Variants in KCNS1 observed in about 807,000 individuals in gnomAD.
KCNS1 encodes the protein delayed-rectifier potassium channel regulatory subunit KCNS1.
A neutral mutation model predicts 33.1 loss-of-function variants in KCNS1; 26 were observed. That is an observed-to-expected ratio of 0.79 (90% CI 0.58 to 1.09). The LOEUF (loss-of-function observed/expected upper bound fraction) is 1.09. Ranked by LOEUF, KCNS1 falls within the 50% of genes least tolerant of loss-of-function variation. The pLI is 0.00. For synonymous variants in KCNS1, 299 were observed against 338.8 expected, an observed-to-expected ratio of 0.88 and a Z score of 1.29; for missense variants, 702 against 752.4, an observed-to-expected ratio of 0.93 and a Z score of 0.78.
intron 3 of KCNS1, among the ~76,000 whole-genome samples, chr20:45,096,663 T>C (rs1981194302): frequency 6.6e-6 from 1 of 152,186 alleles, no homozygotes. Context: ...TTCTCTGGGT[T>C]CTACTGCTTA....
chr20:45,094,044 T>G lies in KCNS1; in HGVS notation c.*826A>C, dbSNP rs1165397722. The G allele has an allele frequency of 6.6e-6, 1 of 152,276 alleles. No homozygotes were observed. The highest frequency in any genetic ancestry group is 1.5e-5 in the Non-Finnish European group (1 of 68,114). 9.4% of individuals were successfully genotyped at this position (152,276 alleles called of 1,614,324 possible). A position where few individuals can be genotyped will look rare whatever the true frequency, so the allele number is the denominator to read the frequency against. On this transcript the variant is annotated 3_prime_UTR_variant, in exon 4 of 4. Transcript: ENST00000537075. ...TCTTGGCGCAGCTAGGTTGTCTAGA[T>G]CTCAGGCCAGGGGCCCTTCAGATTT...
chr20:45,095,586 T>C (rs569337348), intron 3 of KCNS1, among the ~76,000 whole-genome samples: 1 of 152,344 alleles, frequency 6.6e-6, no homozygotes, highest in East Asian at 1.9e-4. Context: ...AGGCTACAGC[T>C]GTTTTTTCCA....
At chr20:45,096,597 G>A (rs1385052799) in intron 3 of KCNS1, among the ~76,000 whole-genome samples, 2 of 152,148 alleles carry the variant, frequency 1.3e-5, no homozygotes. Context: ...CAGTAGGGTC[G>A]CATGGAGCTT....
Position 45,095,102 on chromosome 20 carries a change from G to A in KCNS1, c.1349C>T (p.Ala450Val). The change falls in exon 4 of 4, where the codon GCA becomes GTA. Residue 450 changes from alanine to valine, a missense_variant. Physicochemically the swap from Ala to Val is moderately conservative, Grantham distance 64 (BLOSUM62 0). Transcript: ENST00000537075. ...GTTGAAGATGATGGTGATGGGGAGTGCTACCACCAGGATGCCCCCTAGGAT... is the reference window on the plus strand; with the variant it reads ...GTTGAAGATGATGGTGATGGGGAGTACTACCACCAGGATGCCCCCTAGGAT... Reference protein sequence around the residue: ...GCILGGILVVALPITIIFNKF... With the variant: ...GCILGGILVVVLPITIIFNKF... 1 of 1,614,002 alleles carries A rather than the reference G, an allele frequency of 6.2e-7. No homozygotes were observed. Among genetic ancestry groups the A allele is most frequent in the Non-Finnish European group, 8.5e-7 (1 of 1,179,992 alleles).
chr20:45,094,813 T>C lies in KCNS1; in HGVS notation c.*57A>G, dbSNP rs1233176256. 2.9e-6 allele frequency: 4 copies of C among 1,397,630 alleles called. No homozygotes were observed. The Admixed American group carries it at 6.0e-5, about 21-fold the overall frequency. The allele number at this position is 1,397,630 out of a possible 1,614,324, so 86.6% of individuals were successfully genotyped here. A position where few individuals can be genotyped will look rare whatever the true frequency, so the allele number is the denominator to read the frequency against. On this transcript the variant is annotated 3_prime_UTR_variant, in exon 4 of 4. Coordinates refer to ENST00000537075, the MANE Select transcript of KCNS1 (RefSeq NM_001322799.2). Reference sequence around the variant, plus strand: ...GGAGGCTCACTACCATGAAGAACTTTAGCAGGGGAGGAATCTCTACTGTAG... The same window carrying C: ...GGAGGCTCACTACCATGAAGAACTTCAGCAGGGGAGGAATCTCTACTGTAG...
In KCNS1 at chr20:45,094,723, TG is replaced by T; in HGVS notation, c.*146del. ...AATCTAGGGTAGCACTGTCCTGTCC[TG>T]GGCCTTTGGAGGAAGGAATGCAGCT... On this transcript the variant is annotated 3_prime_UTR_variant, in exon 4 of 4. Coordinates refer to ENST00000537075, the MANE Select transcript of KCNS1 (RefSeq NM_001322799.2). 1.4e-6 allele frequency: 1 copy of T among 728,348 alleles called. No homozygotes were observed. The allele number at this position is 728,348 out of a possible 1,614,324, so 45.1% of individuals were successfully genotyped here.
intron 3 of KCNS1, 94 bp from the exon 4 acceptor site, chr20:45,095,434 G>T: frequency 8.5e-7 from 1 of 1,181,448 alleles, no homozygotes; most frequent in Non-Finnish European, 1.2e-6. Flanking sequence ...GAGTATAAAG[G>T]ACAGGTCCAA....
chr20:45,097,636 C>CTCCA, intron 3 of KCNS1, 26 bp downstream of exon 3: 1 of 1,580,724 alleles, frequency 6.3e-7, no homozygotes, highest in Non-Finnish European at 8.6e-7. Context: ...CCCACCCCAG[C>CTCCA]TCCAACCTGG....
rs1432105796 is a variant in KCNS1 at position 45,097,891 on chromosome 20, G to T, written c.881C>A (p.Ala294Glu). Residue 294 changes from alanine (A) to glutamate (E), a missense_variant, in exon 3 of 4, where the codon GCG (alanine) becomes GAG (glutamate). Ala to Glu is a moderately radical substitution (Grantham distance 107). Around this residue, in one of 3 missense-constraint regions of KCNS1, gnomAD observed 253 missense variants for 327.4 expected, o/e 0.77. Coordinates refer to ENST00000537075, the MANE Select transcript of KCNS1 (RefSeq NM_001322799.2). ...GCAGAAGAAGTTGCGCGTACTGGGC[G>T]CCAGCAGGAGGCGCGACGACACCTC... ...SFEVSSRLLL[A>E]PSTRNFFCHP... 1 of 1,609,732 alleles carries T rather than the reference G, an allele frequency of 6.2e-7. No homozygotes were observed. The highest frequency in any genetic ancestry group is 1.7e-5 in the Admixed American group (1 of 59,566).
Position 45,099,258 on chromosome 20 carries a change from T to C in KCNS1, c.-3-19A>G, listed in dbSNP as rs1266792220. 7.7e-6 allele frequency: 10 copies of C among 1,301,698 alleles called. No homozygotes were observed. The African/African-American group carries it at 1.3e-4, about 17-fold the overall frequency. The allele number at this position is 1,301,698 out of a possible 1,614,324, so 80.6% of individuals were successfully genotyped here. On this transcript the variant is annotated intron_variant, in intron 1 of 3. Coordinates refer to ENST00000537075, the MANE Select transcript of KCNS1 (RefSeq NM_001322799.2). ...GCATCACCTGGGAATTTGTCAAAGA[T>C]GCAAATTCTCAGCCTGCCATCGATT... is the stretch of plus-strand genomic sequence containing the variant.
In KCNS1 at chr20:45,098,405, G is replaced by T; in HGVS notation, c.367C>A (p.Leu123Met). ...SLLHFYRTGH[L>M]HVLDELCVFA... ...ACGCACAGCTCGTCGAGCACGTGCA[G>T]GTGGCCAGTGCGGTAGAAGTGCAGC... Residue 123 changes from leucine to methionine, a missense_variant, in exon 3 of 4, where the codon CTG becomes ATG. By Grantham distance (15) the Leu-to-Met change is conservative (BLOSUM62 2). Coordinates refer to ENST00000537075, the MANE Select transcript of KCNS1 (RefSeq NM_001322799.2). The surrounding 1 kb of genome is among the most constrained non-coding windows in gnomAD (Gnocchi z 5.2). The T allele has an allele frequency of 6.3e-7, 1 of 1,595,764 alleles. No homozygotes were observed. The highest frequency in any genetic ancestry group is 8.5e-7 in the Non-Finnish European group (1 of 1,171,642).
chr20:45,099,217 C>T lies in KCNS1; in HGVS notation c.20G>A (p.Arg7Gln), dbSNP rs1461125753. 1.5e-5 allele frequency: 23 copies of T among 1,532,378 alleles called. No individual in the cohort carries two copies. The highest frequency in any genetic ancestry group is 9.8e-5 in the Admixed American group (5 of 50,968). The allele number at this position is 1,532,378 out of a possible 1,614,324, so 94.9% of individuals were successfully genotyped here. A position where few individuals can be genotyped will look rare whatever the true frequency, so the allele number is the denominator to read the frequency against. ...CCGGAGGTTCTCATAGTGTGTTCCCCGGACCAGCAGCATCAGCATCACCTG... is the reference window on the plus strand; with the variant it reads ...CCGGAGGTTCTCATAGTGTGTTCCCTGGACCAGCAGCATCAGCATCACCTG... MLMLLV[R>Q]GTHYENLRSK... Residue 7 changes from arginine (R) to glutamine (Q), a missense_variant, in exon 2 of 4, where the codon CGG becomes CAG. Physicochemically the swap from Arg to Gln is conservative, Grantham distance 43 (BLOSUM62 1). This residue lies in a region of KCNS1 where 374 missense variants were observed against 352.3 expected (regional missense o/e 1.06). Transcript: ENST00000537075.
rs1981045946 is a variant in KCNS1 at position 45,092,955 on chromosome 20, A to C, written c.*1915T>G. The C allele has an allele frequency of 6.6e-6, 1 of 151,818 alleles. No individual in the cohort carries two copies. The highest frequency in any genetic ancestry group is 2.4e-5 in the African/African-American group (1 of 41,288). The allele number at this position is 151,818 out of a possible 1,614,324, so 9.4% of individuals were successfully genotyped here. A position where few individuals can be genotyped will look rare whatever the true frequency, so the allele number is the denominator to read the frequency against. On this transcript the variant is annotated 3_prime_UTR_variant, in exon 4 of 4. Coordinates refer to ENST00000537075, the MANE Select transcript of KCNS1 (RefSeq NM_001322799.2). ...TATTGCATTAGAGTCTATCTTCCCT[A>C]CTAGTCGGTAAGCTTCATGAGTATA...
intron 3 of KCNS1, among the ~76,000 whole-genome samples, chr20:45,097,095 GCTT>G (rs1981208868): frequency 6.6e-6 from 1 of 152,238 alleles, no homozygotes; most frequent in Non-Finnish European, 1.5e-5. Context: ...TTCAACCTCA[GCTT>G]CTTCATCTAC....
In KCNS1 at chr20:45,098,157, G is replaced by T. The variant is rs1434728923; in HGVS notation, c.615C>A (p.Arg205=). The T allele has an allele frequency of 5.0e-6, 8 of 1,599,460 alleles. No homozygotes were observed. Among genetic ancestry groups the T allele is most frequent in the Non-Finnish European group, 6.8e-6 (8 of 1,174,446 alleles). The change falls in exon 3 of 4, where the codon CGC becomes CGA. Residue 205 remains arginine (R), a synonymous_variant. Transcript: ENST00000537075. This position sits in a 1 kb window ranked among gnomAD's most constrained non-coding sequence, Gnocchi z 5.2. ...GAARCGRLRR[R]LWLTMENPGY... ...CCGGGTTCTCCATGGTCAGCCAGAG[G>T]CGGCGGCGCAGGCGGCCACAGCGCG...
chr20:45,098,171 G>T lies in KCNS1; in HGVS notation c.601C>A (p.Arg201Ser). The change falls in exon 3 of 4, where the codon CGC becomes AGC. Residue 201 changes from arginine (R) to serine (S), a missense_variant. Physicochemically the swap from Arg to Ser is moderately radical, Grantham distance 110 (BLOSUM62 -1). Around this residue, in one of 3 missense-constraint regions of KCNS1, gnomAD observed 374 missense variants for 352.3 expected, o/e 1.06. Coordinates refer to ENST00000537075, the MANE Select transcript of KCNS1 (RefSeq NM_001322799.2). The surrounding 1 kb of genome is among the most constrained non-coding windows in gnomAD (Gnocchi z 5.2). Reference protein sequence around the residue: ...LARYGAARCGRLRRRLWLTME... With the variant: ...LARYGAARCGSLRRRLWLTME... Reference sequence around the variant, plus strand: ...GTCAGCCAGAGGCGGCGGCGCAGGCGGCCACAGCGCGCCGCGCCATAGCGC... The same window carrying T: ...GTCAGCCAGAGGCGGCGGCGCAGGCTGCCACAGCGCGCCGCGCCATAGCGC... 1 of 1,601,608 alleles carries T rather than the reference G, an allele frequency of 6.2e-7. No homozygotes were observed. The highest frequency in any genetic ancestry group is 8.5e-7 in the Non-Finnish European group (1 of 1,175,410).
rs1981268295 is a variant in KCNS1, at chr20:45,098,250, C to T, written c.522G>A (p.Pro174=). ...PHAWDEDSDT[P]SSVDPCPDEI... is the part of the protein sequence containing the mutation. ...CGTCGGGGCACGGGTCCACGCTGCTCGGCGTGTCGCTGTCCTCGTCCCAGG... is the reference window on the plus strand; with the variant it reads ...CGTCGGGGCACGGGTCCACGCTGCTTGGCGTGTCGCTGTCCTCGTCCCAGG... Residue 174 remains proline (P), a synonymous_variant, in exon 3 of 4, where the codon CCG becomes CCA. Coordinates refer to ENST00000537075, the MANE Select transcript of KCNS1 (RefSeq NM_001322799.2). The surrounding 1 kb of genome is among the most constrained non-coding windows in gnomAD (Gnocchi z 5.2). 2 of 1,598,096 alleles carry T rather than the reference C, an allele frequency of 1.3e-6. No homozygotes were observed. The highest frequency in any genetic ancestry group is 1.3e-5 in the African/African-American group (1 of 74,588).
At chr20:45,099,005 C>A (rs778404712) in intron 2 of KCNS1, among the ~76,000 whole-genome samples, 156 bp downstream of exon 2, 1 of 152,188 alleles carries the variant, frequency 6.6e-6, no homozygotes, top group Non-Finnish European at 1.5e-5. Context: ...GCGATGGAAT[C>A]GCAGGATGTC....
At chr20:45,096,667 C>G (rs1040709026) in intron 3 of KCNS1, among the ~76,000 whole-genome samples, 52 of 152,322 alleles carry the variant, frequency 3.4e-4, no homozygotes, top group African/African-American at 1.2e-3. Flanking sequence ...CTGGGTTCTA[C>G]TGCTTATTGA....
Sources: allele counts gnomAD v4.1 joint callset (sites outside exome capture counted in the v4.1 genomes callset), GRCh38; gene constraint gnomAD v4.1.1; regional missense constraint gnomAD v4.1.1; non-coding constraint Gnocchi (gnomAD v3.1); transcripts MANE v1.5; gene names NCBI Gene and HGNC (gene_info 2026-07-23, HGNC 2026-07-21).